Variants in TNS1 observed in about 807,000 individuals in gnomAD.
TNS1 encodes the protein tensin 1, also known as tensin-1.
A neutral mutation model predicts 168.6 loss-of-function variants in TNS1; 62 were observed. The observed-to-expected ratio is 0.37, with a 90% CI of 0.30 to 0.45. TNS1 has a LOEUF of 0.45. Ranked by LOEUF, TNS1 falls within the 20% of genes least tolerant of loss-of-function variation. TNS1 has a pLI of 1.00. For synonymous variants in TNS1, 934 were observed against 933.2 expected, an observed-to-expected ratio of 1.00 and a Z score of -0.02; for missense variants, 2,240 against 2,339.4, an observed-to-expected ratio of 0.96 and a Z score of 0.88.
chr2:217,869,857 G>A (rs1487508290), intron 18 of TNS1, among the ~76,000 whole-genome samples: 1 of 152,098 alleles, frequency 6.6e-6, no homozygotes, highest in Non-Finnish European at 1.5e-5. Flanking sequence ...GGACCCCCGG[G>A]GAACACCAGC....
intron 23 of TNS1, among the ~76,000 whole-genome samples, chr2:217,821,096 G>T (rs1942777333): frequency 6.6e-6 from 1 of 152,204 alleles, no homozygotes; most frequent in Admixed American, 6.5e-5. Flanking sequence ...TCCCTAGCCA[G>T]AAATAATGGC....
At chr2:217,846,552 G>T (rs183610107) in intron 19 of TNS1, among the ~76,000 whole-genome samples, 1 of 152,160 alleles carries the variant, frequency 6.6e-6, no homozygotes, top group Non-Finnish European at 1.5e-5. Context: ...CTGGCACAAG[G>T]TCCACCCAAA....
At chr2:217,973,222 T>C (rs541348246) in intron 3 of TNS1, among the ~76,000 whole-genome samples, 1 of 151,922 alleles carries the variant, frequency 6.6e-6, no homozygotes, top group Admixed American at 6.5e-5. Context: ...CCAGGTGTGG[T>C]GGCGCACACT....
chr2:217,884,746 G>A (rs918612010), intron 16 of TNS1, among the ~76,000 whole-genome samples: 1 of 152,184 alleles, frequency 6.6e-6, no homozygotes, highest in African/African-American at 2.4e-5. Context: ...GACAAACTGG[G>A]AGGACAAGAT....
intron 19 of TNS1, among the ~76,000 whole-genome samples, chr2:217,837,256 CA>C (rs956577169): frequency 1.1e-4 from 17 of 152,166 alleles, no homozygotes; most frequent in African/African-American, 4.1e-4. Context: ...AGGAATGTGC[CA>C]GTACAGCCAA....
chr2:218,018,290 A>G (rs1442139800), intron 1 of TNS1, among the ~76,000 whole-genome samples: 1 of 152,306 alleles, frequency 6.6e-6, no homozygotes, highest in South Asian at 2.1e-4. Flanking sequence ...TATTATTCCC[A>G]TACTGTTCCC....
At chr2:218,031,967 G>A (rs1015166109) in intron 1 of TNS1, among the ~76,000 whole-genome samples, 1 of 152,222 alleles carries the variant, frequency 6.6e-6, no homozygotes, top group African/African-American at 2.4e-5. Context: ...CTTGTCCTGG[G>A]ATACAGCAGA....
At chr2:218,025,469 C>T (rs1247550386) in intron 1 of TNS1, among the ~76,000 whole-genome samples, 3 of 152,052 alleles carry the variant, frequency 2.0e-5, no homozygotes, top group African/African-American at 7.2e-5. Context: ...AGGCTGGTCT[C>T]GAACTCCTGC....
intron 21 of TNS1, among the ~76,000 whole-genome samples, chr2:217,834,589 C>T (rs917003635): frequency 6.6e-6 from 1 of 152,114 alleles, no homozygotes; most frequent in African/African-American, 2.4e-5. Flanking sequence ...AATGCCTCTG[C>T]CTGGAGGCCA....
intron 2 of TNS1, among the ~76,000 whole-genome samples, chr2:217,980,113 G>A (rs1341928942): frequency 1.3e-5 from 2 of 152,112 alleles, no homozygotes; most frequent in Non-Finnish European, 2.9e-5. Flanking sequence ...AAGGGACCTT[G>A]GCCACTGGCC....
intron 3 of TNS1, among the ~76,000 whole-genome samples, chr2:217,961,683 C>G (rs1053675917): frequency 3.3e-5 from 5 of 152,198 alleles, no homozygotes; most frequent in Non-Finnish European, 7.3e-5. Flanking sequence ...CCCAAATCAG[C>G]CCGGTGGGAC....
In TNS1 at chr2:217,802,664, C is replaced by T. The variant is rs1290577436; in HGVS notation, c.*1795G>A. 6.6e-5 allele frequency: 10 copies of T among 152,544 alleles called. No homozygotes were observed. The allele number at this position is 152,544 out of a possible 1,614,324, so 9.4% of individuals were successfully genotyped here. A position where few individuals can be genotyped will look rare whatever the true frequency, so the allele number is the denominator to read the frequency against. On this transcript the variant is annotated 3_prime_UTR_variant, in exon 33 of 33. Transcript: ENST00000682258. ...CCTGGCTGCTTCAAGAACAAAGGCC[C>T]CCTACACTTCAGGCTTTACTTACAC... is the stretch of plus-strand genomic sequence containing the variant.
chr2:217,953,650 A>G (rs1417153213), intron 3 of TNS1, among the ~76,000 whole-genome samples: 1 of 152,068 alleles, frequency 6.6e-6, no homozygotes, highest in African/African-American at 2.4e-5. Flanking sequence ...CCCAGGTGCC[A>G]AAGAGCCCGC....
At chr2:217,869,754 C>T (rs574619879) in intron 18 of TNS1, among the ~76,000 whole-genome samples, 14 of 152,322 alleles carry the variant, frequency 9.2e-5, no homozygotes, top group African/African-American at 3.1e-4. Context: ...AAAAGAGGCC[C>T]CTGAACCCCT....
At chr2:217,809,671 A>T in intron 30 of TNS1, 152 bp downstream of exon 30, 1 of 740,718 alleles carries the variant, frequency 1.4e-6, no homozygotes, top group Non-Finnish European at 2.2e-6. Flanking sequence ...GTAGCTGGGT[A>T]GATGGGAGGT....
At chr2:217,823,187 A>G (rs1470304705) in intron 22 of TNS1, among the ~76,000 whole-genome samples, 3 of 152,160 alleles carry the variant, frequency 2.0e-5, no homozygotes, top group African/African-American at 2.4e-5. Flanking sequence ...ACTTTTTTGT[A>G]AAGACTTAAT....
At chr2:218,027,373 G>C (rs905878748) in intron 1 of TNS1, among the ~76,000 whole-genome samples, 1 of 151,772 alleles carries the variant, frequency 6.6e-6, no homozygotes, top group African/African-American at 2.4e-5. Context: ...CCTCTCCCCC[G>C]ACCCTACTCT....
At chr2:217,910,653 C>T (rs1954271817) in intron 4 of TNS1, among the ~76,000 whole-genome samples, 1 of 151,044 alleles carries the variant, frequency 6.6e-6, no homozygotes, top group South Asian at 2.1e-4. Context: ...AACCAAAGCC[C>T]CTGACCTTCA....
At chr2:217,977,475 A>C (rs1181159400) in intron 3 of TNS1, among the ~76,000 whole-genome samples, 6 of 152,194 alleles carry the variant, frequency 3.9e-5, no homozygotes, top group African/African-American at 1.4e-4. Context: ...GTTTCTTTGG[A>C]GGAAGATTCT....
Sources: allele counts gnomAD v4.1 joint callset (sites outside exome capture counted in the v4.1 genomes callset), GRCh38; gene constraint gnomAD v4.1.1; transcripts MANE v1.5; gene names NCBI Gene and HGNC (gene_info 2026-07-23, HGNC 2026-07-21).